FAM220A: variants seen among roughly 807,000 people sequenced by gnomAD.
The protein encoded by FAM220A is protein FAM220A.
For synonymous variants in FAM220A, 141 were observed against 130.7 expected, an observed-to-expected ratio of 1.08 and a Z score of -0.54; for missense variants, 392 against 321.6, an observed-to-expected ratio of 1.22 and a Z score of -1.68.
chr7:6,334,429 G>C (rs557288950), intron 1 of FAM220A, among the ~76,000 whole-genome samples: 1 of 151,674 alleles, frequency 6.6e-6, no homozygotes, highest in African/African-American at 2.4e-5. Flanking sequence ...CCTGCTACTC[G>C]GGAGGGTGAG....
At chr7:6,342,462 CCAGAAGT>C (rs1281363707) in intron 1 of FAM220A, among the ~76,000 whole-genome samples, 1 of 151,824 alleles carries the variant, frequency 6.6e-6, no homozygotes, top group Non-Finnish European at 1.5e-5. Flanking sequence ...TCACTTGAAC[CCAGAAGT>C]CAGAAGTTGC....
chr7:6,347,899 T>TTATTATTATTA (rs1206991235), intron 1 of FAM220A, among the ~76,000 whole-genome samples: 1 of 145,370 alleles, frequency 6.9e-6, no homozygotes, highest in Non-Finnish European at 1.5e-5. Context: ...ATTATTATTA[T>TTATTATTATTA]TATTATTATT....
chr7:6,348,760 T>C lies in FAM220A; in HGVS notation c.-269A>G, dbSNP rs907822323. The C allele has an allele frequency of 2.8e-5, 11 of 399,858 alleles. No homozygotes were observed. Among genetic ancestry groups the C allele is most frequent in the Admixed American group, 8.8e-5 (2 of 22,710 alleles). 24.8% of individuals were successfully genotyped at this position (399,858 alleles called of 1,614,324 possible). A position where few individuals can be genotyped will look rare whatever the true frequency, so the allele number is the denominator to read the frequency against. On this transcript the variant is annotated 5_prime_UTR_variant, in exon 1 of 2. Transcript: ENST00000313324. ...CAGGCCCGACAGAGCCGCCGCCATA[T>C]AGAGACCGGCGCTCCCACAGCCCCC...
chr7:6,333,560 G>A (rs1488180404), intron 1 of FAM220A, among the ~76,000 whole-genome samples: 3 of 152,048 alleles, frequency 2.0e-5, no homozygotes, highest in East Asian at 1.9e-4. Context: ...GGACAATGGC[G>A]TGATCACAGC....
intron 1 of FAM220A, 83 bp downstream of exon 1, chr7:6,348,490 G>A: frequency 2.4e-6 from 1 of 409,764 alleles, no homozygotes; most frequent in Non-Finnish European, 4.3e-6. Flanking sequence ...TCTAGGCAGT[G>A]GCAGCTGCCG....
chr7:6,330,809 G>A lies in FAM220A; in HGVS notation c.346C>T (p.Arg116Trp), dbSNP rs1285068144. 6 of 1,614,022 alleles carry A rather than the reference G, an allele frequency of 3.7e-6. No homozygotes were observed. The highest frequency in any genetic ancestry group is 1.1e-5 in the South Asian group (1 of 91,084). The change falls in exon 2 of 2, where the codon CGG (arginine) becomes TGG (tryptophan). Residue 116 changes from arginine (R) to tryptophan (W), a missense_variant. Physicochemically the swap from Arg to Trp is moderately radical, Grantham distance 101. Transcript: ENST00000313324. ...LFPAPTECFA[R>W]VSCSGVEALG... ...GCTTCAACACCACTGCAGGACACCC[G>A]AGCAAAACACTCTGTTGGAGCAGGG... is the stretch of plus-strand genomic sequence containing the variant.
chr7:6,347,238 G>C (rs1201547573), intron 1 of FAM220A, among the ~76,000 whole-genome samples: 2 of 152,202 alleles, frequency 1.3e-5, no homozygotes, highest in Non-Finnish European at 2.9e-5. Context: ...CTCTTGGCTG[G>C]GCGCTGTGGC....
Position 6,329,447 on chromosome 7 carries a change from T to A in FAM220A, c.*928A>T, listed in dbSNP as rs1319162689. ...ATATTTATTAAGCTAAAGAACAAAT[T>A]TTATTTTTCATTTTCCCCAAACACT... On this transcript the variant is annotated 3_prime_UTR_variant, in exon 2 of 2. Transcript: ENST00000313324. The A allele has an allele frequency of 1.3e-5, 2 of 152,496 alleles. No homozygotes were observed. Among genetic ancestry groups the A allele is most frequent in the Non-Finnish European group, 2.9e-5 (2 of 68,042 alleles). The allele number at this position is 152,496 out of a possible 1,614,324, so 9.4% of individuals were successfully genotyped here. A position where few individuals can be genotyped will look rare whatever the true frequency, so the allele number is the denominator to read the frequency against.
intron 1 of FAM220A, among the ~76,000 whole-genome samples, chr7:6,340,019 G>A (rs776644051): frequency 1.3e-5 from 2 of 152,072 alleles, no homozygotes; most frequent in Non-Finnish European, 2.9e-5. Context: ...TGAGTAGCTG[G>A]GATTACAGGC....
At chr7:6,332,837 C>G (rs1049591365) in intron 1 of FAM220A, among the ~76,000 whole-genome samples, 1 of 152,094 alleles carries the variant, frequency 6.6e-6, no homozygotes, top group African/African-American at 2.4e-5. Context: ...ACTCTTAATG[C>G]TAAATGGATG....
At position 6,329,517 on chromosome 7, in the gene FAM220A, T is replaced by C. The variant is rs2115121934; in HGVS notation, c.*858A>G. On this transcript the variant is annotated 3_prime_UTR_variant, in exon 2 of 2. Coordinates refer to ENST00000313324, the MANE Select transcript of FAM220A (RefSeq NM_001037163.2). Reference sequence around the variant, plus strand: ...TAATTCAGCACACAGCATAAACTGATATATGCAATCGATAATCCCGAAAAT... The same window carrying C: ...TAATTCAGCACACAGCATAAACTGACATATGCAATCGATAATCCCGAAAAT... 1 of 153,012 alleles carries C rather than the reference T, an allele frequency of 6.5e-6. No individual in the cohort carries two copies. The highest frequency in any genetic ancestry group is 2.1e-4 in the South Asian group (1 of 4,832). The allele number at this position is 153,012 out of a possible 1,614,324, so 9.5% of individuals were successfully genotyped here. A position where few individuals can be genotyped will look rare whatever the true frequency, so the allele number is the denominator to read the frequency against.
rs562106992 is a variant in FAM220A, at chr7:6,342,097, C to T, written c.-82+6476G>A. 690 of 152,280 alleles carry T rather than the reference C, an allele frequency of 4.5e-3. 7 individuals carry two copies. Among genetic ancestry groups the T allele is most frequent in the Non-Finnish European group, 7.0e-3 (474 of 68,028 alleles). 9.4% of individuals were successfully genotyped at this position (152,280 alleles called of 1,614,324 possible). On this transcript the variant is annotated intron_variant, in intron 1 of 1. Coordinates refer to ENST00000313324, the MANE Select transcript of FAM220A (RefSeq NM_001037163.2). ...AATCACTCATTAAGAACCTACCCTA[C>T]GCCAGGTGCCAGGTGCTGTTCTAGG...
In FAM220A at chr7:6,342,439, G is replaced by A. The variant is rs557483828; in HGVS notation, c.-82+6134C>T. Reference sequence around the variant, plus strand: ...AGGCACCTGTAATCCCAGCTACTCGGGAGGCAGGAGAATCACTTGAACCCA... The same window carrying A: ...AGGCACCTGTAATCCCAGCTACTCGAGAGGCAGGAGAATCACTTGAACCCA... On this transcript the variant is annotated intron_variant, in intron 1 of 1. Transcript: ENST00000313324. Among the ~76,000 whole-genome samples the A allele has an allele frequency of 5.9e-5, 9 of 151,926 alleles. No individual in the cohort carries two copies. In the South Asian group the frequency reaches 1.5e-3, roughly 25 times the overall value.
Position 6,331,093 on chromosome 7 carries a change from C to A in FAM220A, c.62G>T (p.Gly21Val). Residue 21 changes from glycine to valine, a missense_variant, in exon 2 of 2, where the codon GGT becomes GTT. Physicochemically the swap from Gly to Val is moderately radical, Grantham distance 109. Coordinates refer to ENST00000313324, the MANE Select transcript of FAM220A (RefSeq NM_001037163.2). Reference sequence around the variant, plus strand: ...GCTGCATGATAGTTTGTCCGAGTCACCTCCTCCGGCCTGCTGCACTTGTGC... The same window carrying A: ...GCTGCATGATAGTTTGTCCGAGTCAACTCCTCCGGCCTGCTGCACTTGTGC... ...CLAQVQQAGGGDSDKLSCSLK... is the reference protein window; with the variant it reads ...CLAQVQQAGGVDSDKLSCSLK... 6.2e-7 allele frequency: 1 copy of A among 1,613,440 alleles called. No homozygotes were observed. Among genetic ancestry groups the A allele is most frequent in the Non-Finnish European group, 8.5e-7 (1 of 1,180,044 alleles).
chr7:6,341,653 G>A (rs762870096), intron 1 of FAM220A, among the ~76,000 whole-genome samples: 14 of 148,972 alleles, frequency 9.4e-5, no homozygotes, highest in Non-Finnish European at 1.9e-4. Context: ...TCGCGCCACC[G>A]CACTCTAGCC....
chr7:6,341,207 G>A (rs1178317098), intron 1 of FAM220A, among the ~76,000 whole-genome samples: 3 of 150,348 alleles, frequency 2.0e-5, no homozygotes, highest in African/African-American at 7.3e-5. Context: ...CACTTTGGGA[G>A]GCCAAGGAGG....
At chr7:6,346,885 C>A (rs1344005061) in intron 1 of FAM220A, among the ~76,000 whole-genome samples, 1 of 152,154 alleles carries the variant, frequency 6.6e-6, no homozygotes, top group African/African-American at 2.4e-5. Context: ...CAGGGAGCAA[C>A]CCAAGGACCG....
intron 1 of FAM220A, among the ~76,000 whole-genome samples, chr7:6,340,460 C>G (rs1193241800): frequency 6.6e-6 from 1 of 152,128 alleles, no homozygotes; most frequent in Non-Finnish European, 1.5e-5. Context: ...AGAGGCCGTG[C>G]CATACCTGGA....
In FAM220A at chr7:6,329,711, C is replaced by T. The variant is rs957878762; in HGVS notation, c.*664G>A. 3.0e-5 allele frequency: 5 copies of T among 166,042 alleles called. No homozygotes were observed. The highest frequency in any genetic ancestry group is 2.0e-4 in the Admixed American group (3 of 15,234). 10.3% of individuals were successfully genotyped at this position (166,042 alleles called of 1,614,324 possible). On this transcript the variant is annotated 3_prime_UTR_variant, in exon 2 of 2. Coordinates refer to ENST00000313324, the MANE Select transcript of FAM220A (RefSeq NM_001037163.2). ...ATGTGGGAAATAACTCGATTTGCTT[C>T]TCTGTAACTGAGCTACTTTTTTCTC...
Sources: gnomAD v4.1 joint callset for allele counts (sites outside exome capture counted in the v4.1 genomes callset) on GRCh38, gnomAD v4.1.1 for gene constraint, MANE v1.5 for transcripts, NCBI Gene and HGNC (gene_info 2026-07-23, HGNC 2026-07-21) for gene names.